Variants in RAPGEF5 observed in about 807,000 individuals in gnomAD.
RAPGEF5 encodes M-Ras-regulated GEF.
In RAPGEF5, 65 loss-of-function variants were observed where a neutral mutation model predicts 125.2. The ratio of observed to expected loss-of-function variants is 0.52; its 90% CI spans 0.43 to 0.64. The LOEUF is 0.64. Ranked by LOEUF, RAPGEF5 falls within the 30% of genes least tolerant of loss-of-function variation. The pLI, the probability that RAPGEF5 is intolerant of heterozygous loss-of-function variation, is 0.00. For missense variants in RAPGEF5, 958 were observed against 1,048.1 expected (o/e 0.91, Z 1.19); for synonymous variants, 391 against 385.9 (o/e 1.01, Z -0.16).
intron 9 of RAPGEF5, among the ~76,000 whole-genome samples, chr7:22,196,895 C>T (rs1785159920): frequency 6.6e-6 from 1 of 152,128 alleles, no homozygotes. Context: ...ATTATTTAAG[C>T]TTTGGTAATG....
In RAPGEF5 at chr7:22,118,813, TA is replaced by T. The variant is rs570606323; in HGVS notation, c.*3592del. On this transcript the variant is annotated 3_prime_UTR_variant, in exon 26 of 26. Transcript: ENST00000665637. ...ACTATGCAAATAAATATTACTCTGC[TA>T]AAAAATGTTTAGTATATACAGCTTT... 1 of 152,594 alleles carries T rather than the reference TA, an allele frequency of 6.6e-6. No homozygotes were observed. Among genetic ancestry groups the T allele is most frequent in the African/African-American group, 2.4e-5 (1 of 41,440 alleles). 9.5% of individuals were successfully genotyped at this position (152,594 alleles called of 1,614,324 possible). A position where few individuals can be genotyped will look rare whatever the true frequency, so the allele number is the denominator to read the frequency against.
chr7:22,181,901 A>G (rs1450153635), intron 11 of RAPGEF5, among the ~76,000 whole-genome samples: 1 of 152,200 alleles, frequency 6.6e-6, no homozygotes, highest in East Asian at 1.9e-4. Flanking sequence ...TAGGTAGGTT[A>G]AAAGCAAACA....
At chr7:22,229,702 C>G (rs1439194982) in intron 8 of RAPGEF5, among the ~76,000 whole-genome samples, 1 of 152,158 alleles carries the variant, frequency 6.6e-6, no homozygotes. Flanking sequence ...CAGAATTAAA[C>G]CAATAAAACT....
chr7:22,318,065 G>C (rs1783638826), intron 1 of RAPGEF5, 28 bp from the exon 2 acceptor site: 2 of 1,490,288 alleles, frequency 1.3e-6, no homozygotes, highest in African/African-American at 1.5e-5. Context: ...AAAAAAAATA[G>C]TTAGAACCAA....
chr7:22,319,965 A>G (rs757427140), intron 1 of RAPGEF5, among the ~76,000 whole-genome samples: 1 of 152,186 alleles, frequency 6.6e-6, no homozygotes, highest in African/African-American at 2.4e-5. Flanking sequence ...ACACTCACAC[A>G]ATTCCACTTA....
intron 23 of RAPGEF5, among the ~76,000 whole-genome samples, chr7:22,133,045 CAT>C (rs1056744290): frequency 3.3e-5 from 5 of 152,232 alleles, no homozygotes; most frequent in African/African-American, 1.2e-4. Context: ...ATTTATAACA[CAT>C]GAGCTGCCCC....
Position 22,353,747 on chromosome 7 carries a change from G to A in RAPGEF5, c.231+3083C>T, listed in dbSNP as rs148865168. On this transcript the variant is annotated intron_variant, in intron 1 of 25. Coordinates refer to ENST00000665637, the MANE Select transcript of RAPGEF5 (RefSeq NM_012294.5). ...TCTTTCCCTCATTTGTCTTAAAGAA[G>A]TGCAAAGAGTCTTAACCAGTATGCA... Among the ~76,000 whole-genome samples, 3 of 152,282 alleles carry A rather than the reference G, an allele frequency of 2.0e-5. No homozygotes were observed. The East Asian group carries it at 5.8e-4, about 29-fold the overall frequency.
intron 17 of RAPGEF5, among the ~76,000 whole-genome samples, chr7:22,151,675 G>T (rs1783634211): frequency 6.6e-6 from 1 of 151,998 alleles, no homozygotes; most frequent in East Asian, 1.9e-4. Flanking sequence ...TGTTGTCTAG[G>T]CTGATCTTAG....
chr7:22,252,065 T>C (rs1786636887), intron 7 of RAPGEF5, among the ~76,000 whole-genome samples: 1 of 152,144 alleles, frequency 6.6e-6, no homozygotes, highest in Non-Finnish European at 1.5e-5. Context: ...GCTTCTTAGC[T>C]CTCAACTAGA....
chr7:22,148,089 C>A (rs541368028), intron 18 of RAPGEF5, among the ~76,000 whole-genome samples: 6 of 152,200 alleles, frequency 3.9e-5, no homozygotes, highest in African/African-American at 1.2e-4. Flanking sequence ...CAGTGTGGTG[C>A]TCGGAAAGCA....
intron 7 of RAPGEF5, among the ~76,000 whole-genome samples, chr7:22,250,419 T>C (rs149321896): frequency 1.1e-4 from 17 of 152,352 alleles, no homozygotes; most frequent in African/African-American, 4.1e-4. Flanking sequence ...CCTGGTGGAA[T>C]TCAGCTGAAG....
chr7:22,314,832 G>C (rs1783555072), intron 3 of RAPGEF5, among the ~76,000 whole-genome samples: 1 of 151,942 alleles, frequency 6.6e-6, no homozygotes, highest in Non-Finnish European at 1.5e-5. Flanking sequence ...CATGCCCTTG[G>C]TCCAGCTGTA....
At chr7:22,341,255 A>C (rs1352399689) in intron 1 of RAPGEF5, among the ~76,000 whole-genome samples, 2 of 152,156 alleles carry the variant, frequency 1.3e-5, no homozygotes, top group Non-Finnish European at 2.9e-5. Context: ...CCCCTTTTTA[A>C]AACCATCAGA....
At chr7:22,145,738 G>C (rs925267433) in intron 19 of RAPGEF5, among the ~76,000 whole-genome samples, 1 of 152,106 alleles carries the variant, frequency 6.6e-6, no homozygotes, top group Non-Finnish European at 1.5e-5. Flanking sequence ...TGGAGGGGCC[G>C]GAAATCTGCA....
intron 24 of RAPGEF5, among the ~76,000 whole-genome samples, chr7:22,129,831 C>T (rs573081395): frequency 3.3e-4 from 51 of 152,258 alleles, no homozygotes; most frequent in Middle Eastern, 3.4e-3. Context: ...ATTCTATATT[C>T]CAGATGCTTG....
intron 12 of RAPGEF5, 58 bp downstream of exon 12, chr7:22,167,012 C>G: frequency 1.4e-6 from 2 of 1,400,122 alleles, no homozygotes; most frequent in East Asian, 4.6e-5. Flanking sequence ...TAATTCCTAA[C>G]GTGGGACATC....
intron 5 of RAPGEF5, among the ~76,000 whole-genome samples, chr7:22,299,631 A>C (rs1159669178): frequency 6.6e-6 from 1 of 152,182 alleles, no homozygotes; most frequent in African/African-American, 2.4e-5. Flanking sequence ...GTTTCTATTC[A>C]ACCTGAAATT....
chr7:22,311,801 T>C (rs1364699704), intron 3 of RAPGEF5, among the ~76,000 whole-genome samples: 3 of 152,232 alleles, frequency 2.0e-5, no homozygotes, highest in South Asian at 4.1e-4. Flanking sequence ...TCTAATTCTA[T>C]AGGATATCTT....
intron 12 of RAPGEF5, among the ~76,000 whole-genome samples, chr7:22,163,333 G>C (rs749674883): frequency 6.6e-6 from 1 of 152,130 alleles, no homozygotes; most frequent in Non-Finnish European, 1.5e-5. Flanking sequence ...TGCATTTAAC[G>C]GACTATTCAG....
Sources: allele counts gnomAD v4.1 joint callset (sites outside exome capture counted in the v4.1 genomes callset), GRCh38; gene constraint gnomAD v4.1.1; transcripts MANE v1.5; gene names NCBI Gene and HGNC (gene_info 2026-07-23, HGNC 2026-07-21).